Variants in CREB5 observed in about 807,000 individuals in gnomAD.
CREB5 encodes cyclic AMP-responsive element-binding protein 5.
A neutral mutation model predicts 57.1 loss-of-function variants in CREB5; 19 were observed. The ratio of observed to expected loss-of-function variants is 0.33; its 90% confidence interval spans 0.23 to 0.49. The LOEUF is 0.49. Ranked by LOEUF, CREB5 falls within the 20% of genes least tolerant of loss-of-function variation. CREB5 has a pLI of 0.99. For missense variants in CREB5, 579 were observed against 671.6 expected (o/e 0.86, Z 1.52); for synonymous variants, 238 against 238.3 (o/e 1.00, Z 0.01).
In CREB5 at chr7:28,821,487, GAGAAA is replaced by G. The variant is rs1168897940; in HGVS notation, c.*2210_*2214del. ...AAAAAAAAAAAGCAAAAAAAGAAAAGAGAAAAAAAGAAAAAATGCAAATGGAATAA... is the reference window on the plus strand; with the variant it reads ...AAAAAAAAAAAGCAAAAAAAGAAAAGAAAAGAAAAAATGCAAATGGAATAA... On this transcript the variant is annotated 3_prime_UTR_variant, in exon 11 of 11. Transcript: ENST00000357727. The G allele has an allele frequency of 2.7e-5, 4 of 148,836 alleles. No homozygotes were observed. Among genetic ancestry groups the G allele is most frequent in the African/African-American group, 7.4e-5 (3 of 40,602 alleles). The allele number at this position is 148,836 out of a possible 1,614,324, so 9.2% of individuals were successfully genotyped here. A position where few individuals can be genotyped will look rare whatever the true frequency, so the allele number is the denominator to read the frequency against.
chr7:28,758,052 A>T (rs1439892745), intron 7 of CREB5, among the ~76,000 whole-genome samples: 1 of 152,242 alleles, frequency 6.6e-6, no homozygotes, highest in Non-Finnish European at 1.5e-5. Flanking sequence ...CAGCAGCAGC[A>T]GTGCAGAACA....
At chr7:28,376,991 A>G (rs1239446100) in intron 1 of CREB5, among the ~76,000 whole-genome samples, 1 of 152,220 alleles carries the variant, frequency 6.6e-6, no homozygotes, top group Non-Finnish European at 1.5e-5. Context: ...AGAATTAACT[A>G]CCGGATTATC....
chr7:28,622,577 C>A (rs1797847370), intron 5 of CREB5, among the ~76,000 whole-genome samples: 1 of 152,160 alleles, frequency 6.6e-6, no homozygotes, highest in Non-Finnish European at 1.5e-5. Context: ...ACTTTATATG[C>A]TTTATCTTGT....
intron 1 of CREB5, among the ~76,000 whole-genome samples, chr7:28,451,172 T>C (rs1471820029): frequency 6.6e-6 from 1 of 152,128 alleles, no homozygotes; most frequent in East Asian, 1.9e-4. Context: ...AAAATTATGA[T>C]TCAGAGGGAG....
chr7:28,690,086 G>A (rs1216757467), intron 5 of CREB5, among the ~76,000 whole-genome samples: 2 of 152,128 alleles, frequency 1.3e-5, no homozygotes, highest in Admixed American at 6.5e-5. Flanking sequence ...GGTAAGGGAA[G>A]GGGTCTAATG....
At chr7:28,747,516 G>A (rs757284470) in intron 7 of CREB5, among the ~76,000 whole-genome samples, 3 of 152,192 alleles carry the variant, frequency 2.0e-5, no homozygotes, top group Non-Finnish European at 4.4e-5. Flanking sequence ...GTGTCACAGG[G>A]GTTTGCTGGC....
intron 1 of CREB5, among the ~76,000 whole-genome samples, chr7:28,393,323 C>A (rs548694666): frequency 6.6e-6 from 1 of 152,326 alleles, no homozygotes; most frequent in African/African-American, 2.4e-5. Context: ...TTTCACAAAG[C>A]AGCGAGCTAA....
intron 7 of CREB5, among the ~76,000 whole-genome samples, chr7:28,783,934 C>G (rs1180427992): frequency 6.6e-6 from 1 of 152,224 alleles, no homozygotes; most frequent in Non-Finnish European, 1.5e-5. Context: ...TGCCGATACA[C>G]TGGCAGCCTC....
At chr7:28,646,915 G>C (rs1304013880) in intron 5 of CREB5, among the ~76,000 whole-genome samples, 2 of 151,714 alleles carry the variant, frequency 1.3e-5, no homozygotes, top group Non-Finnish European at 2.9e-5. Context: ...TTTGCATCTG[G>C]GCTTATTTCA....
intron 7 of CREB5, among the ~76,000 whole-genome samples, chr7:28,799,581 C>G (rs1485243537): frequency 6.6e-6 from 1 of 152,136 alleles, no homozygotes; most frequent in Non-Finnish European, 1.5e-5. Flanking sequence ...ATTTATTTGT[C>G]AGGTTCCATT....
intron 5 of CREB5, among the ~76,000 whole-genome samples, chr7:28,617,400 A>G (rs2128682369): frequency 6.6e-6 from 1 of 152,204 alleles, no homozygotes; most frequent in East Asian, 1.9e-4. Context: ...AATAGGAATT[A>G]TGGATCCTAC....
chr7:28,688,357 G>A (rs1019711940), intron 5 of CREB5, among the ~76,000 whole-genome samples: 10 of 152,262 alleles, frequency 6.6e-5, no homozygotes, highest in African/African-American at 2.4e-4. Context: ...TCATGAAATG[G>A]TGCCAAAAAT....
intron 5 of CREB5, among the ~76,000 whole-genome samples, chr7:28,633,046 C>T (rs1019187850): frequency 1.8e-4 from 27 of 152,158 alleles, no homozygotes; most frequent in South Asian, 1.7e-3. Flanking sequence ...GTTCCAGGTA[C>T]TTCTTCAAGC....
chr7:28,303,641 T>C (rs1785138850), intron 1 of CREB5, among the ~76,000 whole-genome samples: 1 of 152,218 alleles, frequency 6.6e-6, no homozygotes, highest in African/African-American at 2.4e-5. Flanking sequence ...TTGGACCTTC[T>C]ATGAGGCAGT....
At position 28,823,725 on chromosome 7, in the gene CREB5, T is replaced by TCCACC. The variant is rs1327526776; in HGVS notation, c.*4455_*4459dup. The TCCACC allele has an allele frequency of 6.6e-6, 1 of 152,364 alleles. No homozygotes were observed. Among genetic ancestry groups the TCCACC allele is most frequent in the Non-Finnish European group, 1.5e-5 (1 of 68,044 alleles). 9.4% of individuals were successfully genotyped at this position (152,364 alleles called of 1,614,324 possible). A position where few individuals can be genotyped will look rare whatever the true frequency, so the allele number is the denominator to read the frequency against. On this transcript the variant is annotated 3_prime_UTR_variant, in exon 11 of 11. Coordinates refer to ENST00000357727, the MANE Select transcript of CREB5 (RefSeq NM_182898.4). ...AAAAACAGCTTCATCTCTGCCTCTC[T>TCCACC]CCACCCCACCCCAATTTCCTAGAAA...
At chr7:28,487,560 G>A (rs891940256) in intron 1 of CREB5, among the ~76,000 whole-genome samples, 1 of 152,164 alleles carries the variant, frequency 6.6e-6, no homozygotes, top group Non-Finnish European at 1.5e-5. Context: ...GATAACTTTT[G>A]TTGAGGCATA....
chr7:28,311,377 G>T (rs1391473882), intron 1 of CREB5, among the ~76,000 whole-genome samples: 1 of 152,068 alleles, frequency 6.6e-6, no homozygotes, highest in African/African-American at 2.4e-5. Flanking sequence ...AGCTGTTTCT[G>T]CATCATTAAA....
At chr7:28,784,141 G>A (rs756087072) in intron 7 of CREB5, among the ~76,000 whole-genome samples, 39 of 152,138 alleles carry the variant, frequency 2.6e-4, no homozygotes, top group Non-Finnish European at 5.7e-4. Context: ...CAATTGATGG[G>A]CTTCCTTGTC....
intron 5 of CREB5, among the ~76,000 whole-genome samples, chr7:28,714,469 G>A (rs1248412653): frequency 7.9e-5 from 12 of 152,178 alleles, no homozygotes; most frequent in Non-Finnish European, 2.9e-5. Context: ...AGGGTGGAGA[G>A]ACCCCTTCGC....
Sources: allele counts gnomAD v4.1 joint callset (sites outside exome capture counted in the v4.1 genomes callset), GRCh38; gene constraint gnomAD v4.1.1; transcripts MANE v1.5; gene names NCBI Gene and HGNC (gene_info 2026-07-23, HGNC 2026-07-21).